SRP72: variants seen among roughly 807,000 people sequenced by gnomAD.
SRP72 encodes the protein signal recognition particle subunit SRP72.
Under a neutral mutation model 96.3 loss-of-function variants are expected in SRP72, and 49 were observed. That is an observed-to-expected ratio of 0.51 (90% CI 0.40 to 0.65). SRP72 has a LOEUF of 0.65. Among genes scored for constraint, SRP72 ranks in the 30% least tolerant of loss-of-function variants. The probability of loss-of-function intolerance (pLI) is 0.00; values close to 1 mark genes in which losing one functional copy is unlikely to be tolerated. For synonymous variants in SRP72, 267 were observed against 275.2 expected (o/e 0.97, Z 0.30); for missense variants, 736 against 793.3 (o/e 0.93, Z 0.87).
rs1434015791 is a variant in SRP72 at position 56,495,485 on chromosome 4, C to T, written c.1678+91C>T. 6 of 752,250 alleles carry T rather than the reference C, an allele frequency of 8.0e-6. No individual in the cohort carries two copies. In the African/African-American group the frequency reaches 1.1e-4, roughly 14 times the overall value. The allele number at this position is 752,250 out of a possible 1,614,324, so 46.6% of individuals were successfully genotyped here. On this transcript the variant is annotated intron_variant, in intron 17 of 18. Coordinates refer to ENST00000642900, the MANE Select transcript of SRP72 (RefSeq NM_006947.4). The stretch of plus-strand genomic sequence containing the variant: ...GAAATATTTGGACATAAATATACTG[C>T]CCTCCCTTGTATCTTTGAAAACTTT...
chr4:56,485,467 T>C (rs1720670725), intron 10 of SRP72, among the ~76,000 whole-genome samples: 1 of 151,584 alleles, frequency 6.6e-6, no homozygotes, highest in Non-Finnish European at 1.5e-5. Context: ...TATTCTTGAG[T>C]TTTGCATCCA....
intron 8 of SRP72, among the ~76,000 whole-genome samples, chr4:56,480,594 T>C (rs933437471): frequency 1.8e-4 from 28 of 152,172 alleles, no homozygotes; most frequent in Non-Finnish European, 2.8e-4. Context: ...TACATAATTG[T>C]AGGGGAAGAG....
chr4:56,500,674 C>T lies in SRP72; in HGVS notation c.1817C>T (p.Thr606Ile). 1 of 1,613,798 alleles carries T rather than the reference C, an allele frequency of 6.2e-7. No individual in the cohort carries two copies. The highest frequency in any genetic ancestry group is 8.5e-7 in the Non-Finnish European group (1 of 1,179,874). Reference protein sequence around the residue: ...DQIGKGTQGATAGASSELDAS... With the variant: ...DQIGKGTQGAIAGASSELDAS... Reference sequence around the variant, plus strand: ...ATTGGAAAAGGGACCCAGGGAGCAACTGCAGGAGCTTCATCTGAACTGTAA... The same window carrying T: ...ATTGGAAAAGGGACCCAGGGAGCAATTGCAGGAGCTTCATCTGAACTGTAA... Residue 606 changes from threonine (T) to isoleucine (I), a missense_variant, in exon 18 of 19, where the codon ACT becomes ATT. Transcript: ENST00000642900.
intron 17 of SRP72, 49 bp from the exon 18 acceptor site, chr4:56,500,487 C>T (rs1375687499): frequency 2.4e-5 from 38 of 1,567,742 alleles, no homozygotes; most frequent in Non-Finnish European, 3.3e-5. Flanking sequence ...AACAAACTAT[C>T]TTGAAAATAT....
chr4:56,496,145 T>A (rs2110131357), intron 17 of SRP72, among the ~76,000 whole-genome samples: 1 of 152,320 alleles, frequency 6.6e-6, no homozygotes, highest in Non-Finnish European at 1.5e-5. Flanking sequence ...TGCTTGATTT[T>A]ACCTAGTCAG....
rs763502310 is a variant in SRP72, at chr4:56,484,844, A to C, written c.1066A>C (p.Lys356Gln). 6.2e-7 allele frequency: 1 copy of C among 1,612,884 alleles called. No homozygotes were observed. Among genetic ancestry groups the C allele is most frequent in the Admixed American group, 1.7e-5 (1 of 59,608 alleles). ...AQLCREKQHT[K>Q]AIELLQEFSD... is the part of the protein sequence containing the mutation. ...GCTCTGCCGTGAAAAGCAGCACACA[A>C]AAGCAATAGAGCTGCTTCAGGTAAA... is the stretch of plus-strand genomic sequence containing the variant. The change falls in exon 10 of 19, where the codon AAA becomes CAA. Residue 356 changes from lysine (K) to glutamine (Q), a missense_variant. By Grantham distance (53) the Lys-to-Gln change is moderately conservative. Coordinates refer to ENST00000642900, the MANE Select transcript of SRP72 (RefSeq NM_006947.4).
chr4:56,491,615 A>G (rs953547109), intron 16 of SRP72, 47 bp downstream of exon 16: 3 of 1,553,058 alleles, frequency 1.9e-6, no homozygotes, highest in Non-Finnish European at 2.6e-6. Context: ...TTTAAATTAG[A>G]CAAGGAATAA....
At chr4:56,482,277 T>G (rs1392512437) in intron 8 of SRP72, among the ~76,000 whole-genome samples, 2 of 136,354 alleles carry the variant, frequency 1.5e-5, no homozygotes, top group Non-Finnish European at 3.1e-5. Context: ...CCATCTCTAC[T>G]AAAAATACAA....
intron 2 of SRP72, among the ~76,000 whole-genome samples, chr4:56,471,126 A>T (rs898425515): frequency 6.6e-6 from 1 of 152,234 alleles, no homozygotes; most frequent in African/African-American, 2.4e-5. Context: ...TTGTTAGGTA[A>T]GTAAATAAAG....
At chr4:56,486,044 G>A (rs139629414) in intron 10 of SRP72, among the ~76,000 whole-genome samples, 169 of 152,208 alleles carry the variant, frequency 1.1e-3, no homozygotes, top group Non-Finnish European at 2.0e-3. Context: ...TGGAATCGGG[G>A]GTGGTTCTGG....
chr4:56,491,629 A>G, intron 16 of SRP72, 61 bp downstream of exon 16: 1 of 1,483,952 alleles, frequency 6.7e-7, no homozygotes, highest in East Asian at 2.3e-5. Context: ...GGAATAAAAA[A>G]TACATTCTCA....
At chr4:56,501,650 A>G (rs1191698125) in intron 18 of SRP72, 34 bp from the exon 19 acceptor site, 3 of 1,601,710 alleles carry the variant, frequency 1.9e-6, no homozygotes, top group East Asian at 4.5e-5. Context: ...TTCGTTGAAT[A>G]TATGAGTGAC....
chr4:56,484,448 G>A (rs1222769470), intron 9 of SRP72, among the ~76,000 whole-genome samples: 1 of 152,064 alleles, frequency 6.6e-6, no homozygotes, highest in African/African-American at 2.4e-5. Context: ...TATTTGATGT[G>A]TTTGATTTTT....
At chr4:56,495,121 T>G in intron 16 of SRP72, 1 of 307,848 alleles carries the variant, frequency 3.2e-6, no homozygotes, top group African/African-American at 2.1e-5. Flanking sequence ...AAACAGAATC[T>G]GTTTTCGAAT....
chr4:56,478,446 A>G lies in SRP72; in HGVS notation c.710A>G (p.Gln237Arg). The change falls in exon 7 of 19, where the codon CAG becomes CGG. Residue 237 changes from glutamine (Q) to arginine (R), a missense_variant. Gln to Arg is a conservative substitution (Grantham distance 43). Transcript: ENST00000642900. ...IIHGQMAYIL[Q>R]LQGRTEEALQ... ...CATGGTCAGATGGCTTATATTCTGC[A>G]GCTTCAGGGTCGAACAGAGGAGGCT... is the stretch of plus-strand genomic sequence containing the variant. 6.2e-7 allele frequency: 1 copy of G among 1,613,854 alleles called. No individual in the cohort carries two copies. Among genetic ancestry groups the G allele is most frequent in the African/African-American group, 1.3e-5 (1 of 75,052 alleles).
At chr4:56,500,161 C>T (rs954699285) in intron 17 of SRP72, among the ~76,000 whole-genome samples, 3 of 151,964 alleles carry the variant, frequency 2.0e-5, no homozygotes, top group Non-Finnish European at 1.5e-5. Flanking sequence ...GGGAGTTGAA[C>T]AATGAGAACA....
At chr4:56,472,439 AG>A (rs1720014669) in intron 3 of SRP72, among the ~76,000 whole-genome samples, 1 of 149,274 alleles carries the variant, frequency 6.7e-6, no homozygotes. Flanking sequence ...TCTGACTCCC[AG>A]GTTCAAGCGA....
chr4:56,480,959 A>G (rs1720459447), intron 8 of SRP72, among the ~76,000 whole-genome samples: 1 of 152,336 alleles, frequency 6.6e-6, no homozygotes, highest in East Asian at 1.9e-4. Flanking sequence ...GTAGGGGAAA[A>G]GTGAGAACAC....
At chr4:56,499,120 A>G (rs1353114697) in intron 17 of SRP72, among the ~76,000 whole-genome samples, 1 of 152,196 alleles carries the variant, frequency 6.6e-6, no homozygotes, top group African/African-American at 2.4e-5. Context: ...CCACACATCT[A>G]CAACCATCTG....
Sources: gnomAD v4.1 joint callset for allele counts (sites outside exome capture counted in the v4.1 genomes callset) on GRCh38, gnomAD v4.1.1 for gene constraint, MANE v1.5 for transcripts, NCBI Gene and HGNC (gene_info 2026-07-23, HGNC 2026-07-21) for gene names.